The following EPAS1 variants were observed in gnomAD, a reference collection of about 807,000 sequenced individuals.
The protein encoded by EPAS1 is endothelial PAS domain protein 1, also known as endothelial PAS domain-containing protein 1.
Under a neutral mutation model 87.9 loss-of-function variants are expected in EPAS1, and 23 were observed. That is an observed-to-expected ratio of 0.26 (90% CI 0.19 to 0.37). The LOEUF (loss-of-function observed/expected upper bound fraction) is 0.37. EPAS1 is among the 10% of genes least tolerant of loss of function. EPAS1 has a pLI of 1.00. For missense variants in EPAS1, 1,138 were observed against 1,120.7 expected (o/e 1.02, Z -0.22); for synonymous variants, 508 against 444.3 (o/e 1.14, Z -1.80).
intron 4 of EPAS1, among the ~76,000 whole-genome samples, chr2:46,359,054 A>T (rs1246146589): frequency 6.6e-6 from 1 of 151,904 alleles, no homozygotes; most frequent in Non-Finnish European, 1.5e-5. Context: ...AGATCAAGAG[A>T]TCGAGACCAT....
chr2:46,298,947 G>A (rs1379796816), intron 1 of EPAS1, among the ~76,000 whole-genome samples: 1 of 152,208 alleles, frequency 6.6e-6, no homozygotes, highest in Non-Finnish European at 1.5e-5. Flanking sequence ...GGAGCTTCCA[G>A]CCCCGCGCTT....
At chr2:46,358,298 TG>T (rs1270904251) in intron 4 of EPAS1, among the ~76,000 whole-genome samples, 2 of 152,200 alleles carry the variant, frequency 1.3e-5, no homozygotes, top group South Asian at 2.1e-4. Context: ...TTAGACCACC[TG>T]GGTCCTAGGG....
intron 2 of EPAS1, among the ~76,000 whole-genome samples, chr2:46,352,847 C>G (rs896281159): frequency 6.6e-6 from 1 of 152,200 alleles, no homozygotes; most frequent in East Asian, 1.9e-4. Flanking sequence ...CTAGATTGCC[C>G]CTCTCCCTCC....
intron 1 of EPAS1, among the ~76,000 whole-genome samples, chr2:46,318,023 A>G (rs1683375036): frequency 6.6e-6 from 1 of 152,210 alleles, no homozygotes; most frequent in South Asian, 2.1e-4. Flanking sequence ...TCTTCTCACT[A>G]AGCTTAATCA....
chr2:46,356,294 C>G lies in EPAS1; in HGVS notation c.361C>G (p.Leu121Val), dbSNP rs552729281. Reference protein sequence around the residue: ...LSENISKFMGLTQVELTGHSI... With the variant: ...LSENISKFMGVTQVELTGHSI... ...AGAAAACATCAGCAAGTTCATGGGA[C>G]TTACACAGGTGACACCCTCCTCTAT... Residue 121 changes from leucine (L) to valine (V), a missense_variant, in exon 3 of 16, where the codon CTT (leucine) becomes GTT (valine). Transcript: ENST00000263734. 6 of 1,614,212 alleles carry G rather than the reference C, an allele frequency of 3.7e-6. No homozygotes were observed. The South Asian group carries it at 5.5e-5, about 15-fold the overall frequency.
intron 13 of EPAS1, 123 bp from the exon 14 acceptor site, chr2:46,381,852 G>T (rs924742670): frequency 7.8e-6 from 12 of 1,543,752 alleles, no homozygotes; most frequent in Admixed American, 1.9e-5. Context: ...GCTGAGAGGG[G>T]TGGGGATGTG....
At chr2:46,350,681 G>A (rs1182281401) in intron 2 of EPAS1, among the ~76,000 whole-genome samples, 2 of 152,350 alleles carry the variant, frequency 1.3e-5, no homozygotes, top group East Asian at 3.9e-4. Context: ...TGCATTCTGA[G>A]GGCATTAAAC....
chr2:46,345,380 C>G (rs2104870452), intron 1 of EPAS1, among the ~76,000 whole-genome samples: 1 of 151,946 alleles, frequency 6.6e-6, no homozygotes, highest in South Asian at 2.1e-4. Context: ...AAACAAAAAC[C>G]AAAAAAACTC....
chr2:46,381,380 A>G (rs1379079250), intron 12 of EPAS1: 4 of 669,928 alleles, frequency 6.0e-6, no homozygotes, highest in Non-Finnish European at 1.0e-5. Context: ...CCCCCAGACC[A>G]GGAGGCTTGA....
intron 2 of EPAS1, among the ~76,000 whole-genome samples, chr2:46,354,405 T>C (rs7599883): frequency 6.6e-6 from 1 of 151,812 alleles, no homozygotes; most frequent in East Asian, 1.9e-4. Context: ...TTTTCATAAG[T>C]AAATGTCTTT....
intron 1 of EPAS1, among the ~76,000 whole-genome samples, chr2:46,345,776 A>C (rs1007395088): frequency 6.6e-6 from 1 of 152,162 alleles, no homozygotes; most frequent in Non-Finnish European, 1.5e-5. Flanking sequence ...GTGAAAATAG[A>C]ATTGTCCTGT....
At chr2:46,332,998 G>A (rs897207162) in intron 1 of EPAS1, among the ~76,000 whole-genome samples, 8 of 152,178 alleles carry the variant, frequency 5.3e-5, no homozygotes, top group East Asian at 1.9e-4. Flanking sequence ...GCTGGCTCAC[G>A]AAACACACCC....
rs1477954904 is a variant in EPAS1, at chr2:46,346,950, A to G, written c.104A>G (p.Tyr35Cys). The change falls in exon 2 of 16, where the codon TAT becomes TGT. Residue 35 changes from tyrosine to cysteine, a missense_variant. Tyr to Cys is a radical substitution (Grantham distance 194). Coordinates refer to ENST00000263734, the MANE Select transcript of EPAS1 (RefSeq NM_001430.5). This position sits in a 1 kb window ranked among gnomAD's most constrained non-coding sequence, Gnocchi z 4.0. ...CGGAGCAAGGAGACGGAGGTGTTCTATGAGCTGGCCCATGAGCTGCCTCTG... is the reference window on the plus strand; with the variant it reads ...CGGAGCAAGGAGACGGAGGTGTTCTGTGAGCTGGCCCATGAGCTGCCTCTG... ...CRRSKETEVF[Y>C]ELAHELPLPH... 3 of 1,614,188 alleles carry G rather than the reference A, an allele frequency of 1.9e-6. No individual in the cohort carries two copies. Among genetic ancestry groups the G allele is most frequent in the African/African-American group, 1.3e-5 (1 of 75,040 alleles).
At chr2:46,361,149 G>C (rs1684378430) in intron 6 of EPAS1, 59 bp downstream of exon 6, 1 of 1,566,548 alleles carries the variant, frequency 6.4e-7, no homozygotes, top group African/African-American at 1.4e-5. Context: ...GTGTGTGTGG[G>C]GAGTTGTGCC....
At position 46,382,439 on chromosome 2, in the gene EPAS1, AACCCCATGAGGGGCCTGGGCC is replaced by A; in HGVS notation, c.2304_2324del (p.Met770_Pro776del). ...TGGTCTTTCAGATAAGTTCACCCAA[AACCCCATGAGGGGCCTGGGCC>A]ATCCCCTGAGACATCTGCCGCTGCC... On this transcript the variant is annotated inframe_deletion, in exon 15 of 16. Transcript: ENST00000263734. The A allele has an allele frequency of 6.2e-7, 1 of 1,613,864 alleles. No homozygotes were observed. The highest frequency in any genetic ancestry group is 1.1e-5 in the South Asian group (1 of 91,072).
intron 14 of EPAS1, 33 bp from the exon 15 acceptor site, chr2:46,382,392 T>A: frequency 6.2e-7 from 1 of 1,613,838 alleles, no homozygotes; most frequent in South Asian, 1.1e-5. Flanking sequence ...CTCAGGCCAA[T>A]GCTACCGTCA....
At chr2:46,365,949 G>A (rs926107549) in intron 6 of EPAS1, among the ~76,000 whole-genome samples, 1 of 152,246 alleles carries the variant, frequency 6.6e-6, no homozygotes, top group Admixed American at 6.5e-5. Context: ...CAAATAGGTG[G>A]TTACAAAGTA....
At chr2:46,311,954 C>T (rs2104842494) in intron 1 of EPAS1, among the ~76,000 whole-genome samples, 1 of 152,184 alleles carries the variant, frequency 6.6e-6, no homozygotes, top group Non-Finnish European at 1.5e-5. Flanking sequence ...AACCATTTTC[C>T]ATACCCAAAT....
rs1684357831 is a variant in EPAS1, at chr2:46,360,138, G to A, written c.455-500G>A. Among the ~76,000 whole-genome samples, 1 of 152,230 alleles carries A rather than the reference G, an allele frequency of 6.6e-6. No individual in the cohort carries two copies. The highest frequency in any genetic ancestry group is 1.5e-5 in the Non-Finnish European group (1 of 68,032). ...TATTGCAGTTTGCAAATGGGGTACA[G>A]GAGGGGTTAAATTCCTCCTGAGAGA... is the stretch of plus-strand genomic sequence containing the variant. On this transcript the variant is annotated intron_variant, in intron 4 of 15. Transcript: ENST00000263734. The surrounding 1 kb of genome is among the most constrained non-coding windows in gnomAD (Gnocchi z 4.5).
Sources: gnomAD v4.1 joint callset for allele counts (sites outside exome capture counted in the v4.1 genomes callset) on GRCh38, gnomAD v4.1.1 for gene constraint, Gnocchi (gnomAD v3.1) non-coding constraint, MANE v1.5 for transcripts, NCBI Gene and HGNC (gene_info 2026-07-23, HGNC 2026-07-21) for gene names.